Variants in RGS5 observed in about 807,000 individuals in gnomAD.
RGS5 encodes regulator of G protein signaling 5, also known as regulator of G-protein signalling 5.
RGS5 carries 20 observed loss-of-function variants against 18.9 expected under a neutral mutation model. The observed-to-expected ratio is 1.06, with a 90% confidence interval of 0.74 to 1.54. The LOEUF (loss-of-function observed/expected upper bound fraction) is 1.54, where lower values mean the gene tolerates loss of function less well. Ranked by LOEUF, RGS5 falls within the 40% of genes most tolerant of loss-of-function variation. RGS5 has a pLI of 0.00. For missense variants in RGS5, 201 were observed against 211.8 expected, an observed-to-expected ratio of 0.95 and a Z score of 0.32; for synonymous variants, 57 against 76.2, an observed-to-expected ratio of 0.75 and a Z score of 1.31.
intron 2 of RGS5, among the ~76,000 whole-genome samples, chr1:163,232,357 A>C (rs1478471703): frequency 6.6e-6 from 1 of 152,176 alleles, no homozygotes; most frequent in African/African-American, 2.4e-5. Flanking sequence ...CAAATAATGT[A>C]TATCTGATAT....
intron 2 of RGS5, among the ~76,000 whole-genome samples, chr1:163,294,571 A>C (rs1398255747): frequency 6.6e-6 from 1 of 152,180 alleles, no homozygotes; most frequent in South Asian, 2.1e-4. Flanking sequence ...TTCCATGAAG[A>C]TCTCTGACAT....
At chr1:163,294,563 C>A (rs892670856) in intron 2 of RGS5, among the ~76,000 whole-genome samples, 1 of 152,226 alleles carries the variant, frequency 6.6e-6, no homozygotes, top group African/African-American at 2.4e-5. Context: ...GGAGGGGCTT[C>A]CATGAAGATC....
At chr1:163,301,917 T>C (rs1419766357) in intron 2 of RGS5, among the ~76,000 whole-genome samples, 1 of 152,000 alleles carries the variant, frequency 6.6e-6, no homozygotes, top group African/African-American at 2.4e-5. Flanking sequence ...AGGAAGAAAA[T>C]CTAACTTTCT....
chr1:163,314,897 T>C (rs1431294284), intron 1 of RGS5, among the ~76,000 whole-genome samples: 5 of 152,196 alleles, frequency 3.3e-5, no homozygotes, highest in Non-Finnish European at 7.3e-5. Flanking sequence ...TGCCAGGGCC[T>C]TGATCTTTCC....
intron 2 of RGS5, among the ~76,000 whole-genome samples, chr1:163,240,843 T>G (rs1557916376): frequency 6.6e-6 from 1 of 152,182 alleles, no homozygotes; most frequent in Non-Finnish European, 1.5e-5. Context: ...GTATCTTGTT[T>G]GAGGTCATGG....
intron 1 of RGS5, among the ~76,000 whole-genome samples, chr1:163,317,390 C>T (rs1226329351): frequency 6.6e-6 from 1 of 152,150 alleles, no homozygotes; most frequent in Non-Finnish European, 1.5e-5. Flanking sequence ...CCCACTTCTG[C>T]CCTCACAATT....
intron 2 of RGS5, among the ~76,000 whole-genome samples, chr1:163,285,415 C>T (rs551530377): frequency 4.3e-4 from 65 of 151,962 alleles, no homozygotes; most frequent in African/African-American, 1.4e-3. Flanking sequence ...ATTAGCTGGG[C>T]GTGGTGGCAG....
intron 3 of RGS5, among the ~76,000 whole-genome samples, chr1:163,158,109 C>T (rs2102389273): frequency 1.3e-5 from 2 of 152,288 alleles, no homozygotes; most frequent in Middle Eastern, 6.8e-3. Flanking sequence ...CAAATAAGAA[C>T]TTCTCATAAG....
chr1:163,232,989 T>C (rs1168346290), intron 2 of RGS5, among the ~76,000 whole-genome samples: 1 of 152,224 alleles, frequency 6.6e-6, no homozygotes, highest in Non-Finnish European at 1.5e-5. Flanking sequence ...ATGTCATTTT[T>C]TCCCTCTTAT....
chr1:163,293,386 C>T (rs913127167), intron 2 of RGS5, among the ~76,000 whole-genome samples: 4 of 152,070 alleles, frequency 2.6e-5, no homozygotes, highest in Admixed American at 1.3e-4. Flanking sequence ...GGAGAAAGAG[C>T]GAGGGGAGGA....
chr1:163,150,722 C>T (rs755791015), intron 4 of RGS5, among the ~76,000 whole-genome samples: 1 of 152,154 alleles, frequency 6.6e-6, no homozygotes, highest in Non-Finnish European at 1.5e-5. Context: ...ACCCACAGTA[C>T]TGTACATTCT....
At chr1:163,155,853 A>T (rs886980278) in intron 3 of RGS5, among the ~76,000 whole-genome samples, 6 of 152,088 alleles carry the variant, frequency 3.9e-5, no homozygotes, top group Admixed American at 3.3e-4. Flanking sequence ...ACTCTCTAGA[A>T]AGCCAATGAA....
chr1:163,219,113 T>A (rs1156883985), upstream of RGS5, among the ~76,000 whole-genome samples: 2 of 117,624 alleles, frequency 1.7e-5, no homozygotes, highest in African/African-American at 6.1e-5. Flanking sequence ...TTTGTCTTAC[T>A]CTTTATCGAG....
At chr1:163,313,948 T>C (rs1649942017) in intron 1 of RGS5, among the ~76,000 whole-genome samples, 1 of 152,130 alleles carries the variant, frequency 6.6e-6, no homozygotes, top group Non-Finnish European at 1.5e-5. Context: ...TTCCTAGATA[T>C]GTGACCTTGA....
intron 1 of RGS5, among the ~76,000 whole-genome samples, chr1:163,198,086 C>T (rs1659640684): frequency 6.6e-6 from 1 of 152,012 alleles, no homozygotes; most frequent in African/African-American, 2.4e-5. Context: ...ATTGTCCACA[C>T]TTGACCCACA....
intron 2 of RGS5, among the ~76,000 whole-genome samples, chr1:163,276,001 C>T (rs1281631966): frequency 1.3e-5 from 2 of 150,738 alleles, no homozygotes; most frequent in Non-Finnish European, 3.0e-5. Flanking sequence ...TTCTGTGGCA[C>T]ATTCTTTTTT....
chr1:163,231,673 C>G (rs1011971328), intron 2 of RGS5, among the ~76,000 whole-genome samples: 3 of 151,464 alleles, frequency 2.0e-5, no homozygotes, highest in Non-Finnish European at 2.9e-5. Context: ...TGTCCAAGCC[C>G]TTGTCCTAGA....
At chr1:163,234,948 T>TATC (rs776420987) in intron 2 of RGS5, among the ~76,000 whole-genome samples, 2 of 152,178 alleles carry the variant, frequency 1.3e-5, no homozygotes, top group African/African-American at 2.4e-5. Context: ...AGGTAGAAGC[T>TATC]ACAAGATATC....
chr1:163,206,208 T>C (rs1659950259), upstream of RGS5, among the ~76,000 whole-genome samples: 1 of 152,206 alleles, frequency 6.6e-6, no homozygotes. Context: ...ATATTAAATA[T>C]AGTCCTGCTG....
Sources: allele counts gnomAD v4.1 joint callset (sites outside exome capture counted in the v4.1 genomes callset), GRCh38; gene constraint gnomAD v4.1.1; transcripts MANE v1.5; gene names NCBI Gene and HGNC (gene_info 2026-07-23, HGNC 2026-07-21).